Variants in TAF3 observed in about 807,000 individuals in gnomAD.
TAF3 encodes TATA-box binding protein associated factor 3, also known as transcription initiation factor TFIID subunit 3.
TAF3 carries 7 observed loss-of-function variants against 80.6 expected under a neutral mutation model. The observed-to-expected ratio is 0.09, with a 90% confidence interval of 0.05 to 0.16. The LOEUF (loss-of-function observed/expected upper bound fraction) is 0.16. TAF3 is among the 10% of genes least tolerant of loss of function. TAF3 has a pLI of 1.00. For synonymous variants in TAF3, 444 were observed against 446.1 expected (o/e 1.00, Z 0.06); for missense variants, 921 against 1,140.2 (o/e 0.81, Z 2.77).
At chr10:7,989,146 G>T (rs80252939) in intron 4 of TAF3, among the ~76,000 whole-genome samples, 1 of 152,210 alleles carries the variant, frequency 6.6e-6, no homozygotes, top group African/African-American at 2.4e-5. Flanking sequence ...CCCAGAGCAA[G>T]CTCTCAGTGG....
chr10:7,912,397 G>A (rs1837664946), intron 2 of TAF3, among the ~76,000 whole-genome samples: 1 of 152,160 alleles, frequency 6.6e-6, no homozygotes, highest in South Asian at 2.1e-4. Flanking sequence ...ACTGAGCCTG[G>A]CCAAAAATGA....
chr10:7,891,494 G>C (rs1837456813), intron 2 of TAF3, among the ~76,000 whole-genome samples: 1 of 152,134 alleles, frequency 6.6e-6, no homozygotes, highest in Admixed American at 6.5e-5. Flanking sequence ...GTATTGAAAG[G>C]CATGGTTAAG....
intron 2 of TAF3, among the ~76,000 whole-genome samples, chr10:7,902,920 T>TA (rs1400502168): frequency 6.6e-6 from 1 of 152,174 alleles, no homozygotes; most frequent in South Asian, 2.1e-4. Flanking sequence ...GTTTTTTTTT[T>TA]ATTTAATGTT....
intron 2 of TAF3, among the ~76,000 whole-genome samples, chr10:7,859,544 T>G (rs1837122832): frequency 6.6e-6 from 1 of 152,166 alleles, no homozygotes; most frequent in Non-Finnish European, 1.5e-5. Context: ...TGGCCGGGTT[T>G]CACCTCCTCC....
intron 2 of TAF3, among the ~76,000 whole-genome samples, chr10:7,907,745 G>A (rs964810780): frequency 3.3e-4 from 50 of 152,196 alleles, no homozygotes; most frequent in Non-Finnish European, 1.2e-4. Flanking sequence ...GTGTCTTGAA[G>A]TATGAAAGCT....
chr10:7,847,904 A>G (rs1244485), intron 2 of TAF3, among the ~76,000 whole-genome samples: 28,106 of 152,050 alleles, frequency 0.18, 2,681 homozygotes, highest in South Asian at 0.28. Context: ...CGAGTAGCTG[A>G]GACTACAGGC....
intron 1 of TAF3, among the ~76,000 whole-genome samples, chr10:7,822,129 G>T (rs1355765085): frequency 1.3e-5 from 2 of 151,230 alleles, no homozygotes; most frequent in Non-Finnish European, 2.9e-5. Context: ...GGTATTTTAA[G>T]AAAATTGTAC....
chr10:7,825,683 G>A (rs147227664), intron 2 of TAF3, among the ~76,000 whole-genome samples: 10 of 152,270 alleles, frequency 6.6e-5, no homozygotes, highest in Middle Eastern at 6.8e-3. Context: ...TGTGTGTTTC[G>A]TTGTGTGTTT....
intron 4 of TAF3, among the ~76,000 whole-genome samples, chr10:7,991,481 T>C (rs1040349197): frequency 1.3e-5 from 2 of 152,154 alleles, no homozygotes; most frequent in African/African-American, 4.8e-5. Context: ...ATTGTTAAAA[T>C]CCTCTTCATT....
chr10:7,954,318 A>G (rs1372111746), intron 2 of TAF3, among the ~76,000 whole-genome samples: 1 of 138,320 alleles, frequency 7.2e-6, no homozygotes, highest in African/African-American at 2.6e-5. Context: ...AGTGCACTCC[A>G]TAGGCGAATG....
intron 3 of TAF3, 51 bp from the exon 4 acceptor site, chr10:7,977,190 G>C (rs766145354): frequency 3.9e-6 from 6 of 1,550,144 alleles, no homozygotes; most frequent in Non-Finnish European, 5.3e-6. Flanking sequence ...AGTGGTAGGA[G>C]GTACTTTTGT....
intron 2 of TAF3, among the ~76,000 whole-genome samples, chr10:7,890,851 G>A (rs531389775): frequency 2.6e-5 from 4 of 152,256 alleles, no homozygotes; most frequent in African/African-American, 9.6e-5. Context: ...TTCGATTTAG[G>A]TTTCCTTAGA....
intron 2 of TAF3, among the ~76,000 whole-genome samples, chr10:7,939,941 A>G (rs1837961662): frequency 6.6e-6 from 1 of 152,230 alleles, no homozygotes; most frequent in South Asian, 2.1e-4. Context: ...TTCAGAAGAA[A>G]AACGTATAAA....
At chr10:7,820,762 T>C (rs999734107) in intron 1 of TAF3, among the ~76,000 whole-genome samples, 1 of 152,246 alleles carries the variant, frequency 6.6e-6, no homozygotes, top group African/African-American at 2.4e-5. Context: ...TTCAAAGTGC[T>C]GGGATTACAG....
intron 2 of TAF3, among the ~76,000 whole-genome samples, chr10:7,825,916 G>GCAC (rs1836735974): frequency 6.6e-6 from 1 of 152,090 alleles, no homozygotes; most frequent in South Asian, 2.1e-4. Flanking sequence ...TTTTGAGGAA[G>GCAC]CACCACACTG....
rs939268243 is a variant in TAF3 at position 7,904,926 on chromosome 10, C to T, written c.410-58994C>T. Among the ~76,000 whole-genome samples, 6 of 152,160 alleles carry T rather than the reference C, an allele frequency of 3.9e-5. No individual in the cohort carries two copies. The East Asian group carries it at 9.6e-4, about 24-fold the overall frequency. ...GCACTTCCTCCACCACCCGCTCCTC[C>T]TCCACACTGAGCTCTCCATTGCCCT... On this transcript the variant is annotated intron_variant, in intron 2 of 6. Transcript: ENST00000344293.
At chr10:7,980,529 G>A (rs11813808) in intron 4 of TAF3, among the ~76,000 whole-genome samples, 13,788 of 152,214 alleles carry the variant, frequency 0.091, 668 homozygotes, top group South Asian at 0.14. Flanking sequence ...ACTTTCCAAG[G>A]ACCTCAGATT....
chr10:7,996,842 A>ATTTTTTTTTT (rs34866346), intron 4 of TAF3, among the ~76,000 whole-genome samples: 10 of 131,912 alleles, frequency 7.6e-5, no homozygotes, highest in African/African-American at 8.5e-5. Context: ...ACCACACTCT[A>ATTTTTTTTTT]TTTTTTTTTT....
chr10:7,956,798 G>A (rs1015218583), intron 2 of TAF3, among the ~76,000 whole-genome samples: 5 of 152,174 alleles, frequency 3.3e-5, no homozygotes, highest in Non-Finnish European at 5.9e-5. Context: ...CTTATTTGAA[G>A]TATAGCATTC....
Sources: gnomAD v4.1 joint callset for allele counts (sites outside exome capture counted in the v4.1 genomes callset) on GRCh38, gnomAD v4.1.1 for gene constraint, MANE v1.5 for transcripts, NCBI Gene and HGNC (gene_info 2026-07-23, HGNC 2026-07-21) for gene names.